The following COG7 variants were observed in gnomAD, a reference collection of about 807,000 sequenced individuals.
COG7 encodes component of oligomeric golgi complex 7.
Under a neutral mutation model 91.5 loss-of-function variants are expected in COG7, and 49 were observed. The ratio of observed to expected loss-of-function variants is 0.54; its 90% CI spans 0.43 to 0.68. The LOEUF (loss-of-function observed/expected upper bound fraction) is 0.68, where lower values mean the gene tolerates loss of function less well. Among genes scored for constraint, COG7 ranks in the 30% least tolerant of loss-of-function variants. The probability of loss-of-function intolerance (pLI) is 0.00; values close to 1 mark genes in which losing one functional copy is unlikely to be tolerated. For missense variants in COG7, 895 were observed against 961.3 expected (o/e 0.93, Z 0.91); for synonymous variants, 365 against 388.7 (o/e 0.94, Z 0.72).
chr16:23,392,587 G>C, intron 15 of COG7, 64 bp from the exon 16 acceptor site: 1 of 1,596,500 alleles, frequency 6.3e-7, no homozygotes, highest in Admixed American at 1.7e-5. Flanking sequence ...ATGCACCAAA[G>C]TACCAGGAAG....
At chr16:23,395,844 G>A (rs1044594321) in intron 14 of COG7, among the ~76,000 whole-genome samples, 6 of 152,246 alleles carry the variant, frequency 3.9e-5, no homozygotes, top group African/African-American at 1.4e-4. Context: ...TTTGAGGTCA[G>A]ACAGACTTGG....
Position 23,442,639 on chromosome 16 carries a change from C to T in COG7, c.442G>A (p.Ala148Thr). 6.2e-7 allele frequency: 1 copy of T among 1,613,402 alleles called. No individual in the cohort carries two copies. Among genetic ancestry groups the T allele is most frequent in the Non-Finnish European group, 8.5e-7 (1 of 1,179,354 alleles). The change falls in exon 4 of 17, where the codon GCT becomes ACT. Residue 148 changes from alanine (A) to threonine (T), a missense_variant. Transcript: ENST00000307149. The part of the protein sequence containing the change: ...IEETFKTQDI[A>T]VISAKLTGMQ... The stretch of plus-strand genomic sequence containing the variant: ...CCTGTTAGCTTGGCAGAAATCACAG[C>T]TATGTCCTAGAAAAGACCAGAATAG...
rs74012178 is a variant in COG7, at chr16:23,445,117, G to C, written c.366C>G (p.Ala122=). The change falls in exon 3 of 17, where the codon GCC becomes GCG. Residue 122 remains alanine (A), a synonymous_variant. Transcript: ENST00000307149. The part of the protein sequence containing the change: ...DQVKSRMQLA[A]ESLQEADKWS... ...ACTTATCTGCTTCCTGAAGAGATTC[G>C]GCAGCAAGTTGCATTCTGGACTTCA... 50 of 1,614,020 alleles carry C rather than the reference G, an allele frequency of 3.1e-5. No individual in the cohort carries two copies. Among genetic ancestry groups the C allele is most frequent in the South Asian group, 2.0e-4 (18 of 91,078 alleles).
intron 1 of COG7, among the ~76,000 whole-genome samples, chr16:23,448,232 A>T (rs1444577663): frequency 6.6e-6 from 1 of 152,212 alleles, no homozygotes; most frequent in African/African-American, 2.4e-5. Context: ...AAGGCTGGCC[A>T]GAAAGGTCTT....
rs1596905308 is a variant in COG7 at position 23,393,289 on chromosome 16, T to C, written c.1946A>G (p.Asp649Gly). 6.2e-7 allele frequency: 1 copy of C among 1,613,994 alleles called. No individual in the cohort carries two copies. Among genetic ancestry groups the C allele is most frequent in the East Asian group, 2.2e-5 (1 of 44,874 alleles). Residue 649 changes from aspartate to glycine, a missense_variant, in exon 15 of 17, where the codon GAC (aspartate) becomes GGC (glycine). Transcript: ENST00000307149. ...LNLEPFVTQE[D>G]SALELALHAG... ...GTGCAATGCCAACTCTAAGGCAGAG[T>C]CCTCCTGAGTCACAAATGGCTCAAG...
At chr16:23,389,300 T>A (rs1963149447) in intron 16 of COG7, among the ~76,000 whole-genome samples, 1 of 152,004 alleles carries the variant, frequency 6.6e-6, no homozygotes, top group South Asian at 2.1e-4. Context: ...GTCTAGGAAC[T>A]CTAATTTAAT....
chr16:23,453,176 T>TG lies in COG7; in HGVS notation c.-183dup. On this transcript the variant is annotated 5_prime_UTR_variant, in exon 1 of 17. Coordinates refer to ENST00000307149, the MANE Select transcript of COG7 (RefSeq NM_153603.4). ...CCGCTCAGCGCACTCAGTTTGCGGC[T>TG]GGGAATGACCCTCGCCGCCCGCCGT... 1 of 1,368,680 alleles carries TG rather than the reference T, an allele frequency of 7.3e-7. No individual in the cohort carries two copies. 84.8% of individuals were successfully genotyped at this position (1,368,680 alleles called of 1,614,324 possible).
intron 11 of COG7, among the ~76,000 whole-genome samples, chr16:23,408,065 G>C (rs1156787979): frequency 7.5e-6 from 1 of 132,858 alleles, no homozygotes; most frequent in Admixed American, 8.4e-5. Flanking sequence ...GTGGCACAGT[G>C]GGAAGGGAGG....
In COG7 at chr16:23,418,733, G is replaced by T; in HGVS notation, c.1104C>A (p.Ser368Arg). ...YQLKYGDMEESNLLIQMSAVP... is the reference protein window; with the variant it reads ...YQLKYGDMEERNLLIQMSAVP... ...CAGCACTCATCTGGATGAGGAGGTT[G>T]CTCTCTTCCATGTCGCCATACTTCA... Residue 368 changes from serine to arginine, a missense_variant, in exon 8 of 17, where the codon AGC becomes AGA. By Grantham distance (110) the Ser-to-Arg change is moderately radical (BLOSUM62 -1). Coordinates refer to ENST00000307149, the MANE Select transcript of COG7 (RefSeq NM_153603.4). 1 of 1,613,526 alleles carries T rather than the reference G, an allele frequency of 6.2e-7. No individual in the cohort carries two copies. Among genetic ancestry groups the T allele is most frequent in the South Asian group, 1.1e-5 (1 of 91,074 alleles).
intron 4 of COG7, among the ~76,000 whole-genome samples, chr16:23,440,583 G>GAGC (rs1323426549): frequency 6.6e-6 from 1 of 151,000 alleles, no homozygotes; most frequent in Admixed American, 6.6e-5. Context: ...CCAACCTCCT[G>GAGC]AGCAGCTGAG....
chr16:23,405,994 C>T (rs771764246), intron 12 of COG7, 82 bp downstream of exon 12: 17 of 1,317,954 alleles, frequency 1.3e-5, no homozygotes, highest in South Asian at 2.4e-5. Context: ...ACACAGGGCC[C>T]GCCTGTAACC....
chr16:23,436,138 C>T (rs1964010506), intron 4 of COG7, among the ~76,000 whole-genome samples: 1 of 152,144 alleles, frequency 6.6e-6, no homozygotes, highest in African/African-American at 2.4e-5. Context: ...GGGAGTATCA[C>T]TTGAGCCTGG....
In COG7 at chr16:23,424,258, T is replaced by C. The variant is rs565668812; in HGVS notation, c.1009+491A>G. On this transcript the variant is annotated intron_variant, in intron 7 of 16. Transcript: ENST00000307149. ...GTTGTGGTGAGCCAAGATCGTACCATTGCACTCCAGCCTGGGCAACAAGAG... is the reference window on the plus strand; with the variant it reads ...GTTGTGGTGAGCCAAGATCGTACCACTGCACTCCAGCCTGGGCAACAAGAG... Among the ~76,000 whole-genome samples, 4 of 147,286 alleles carry C rather than the reference T, an allele frequency of 2.7e-5. No homozygotes were observed. The South Asian group carries it at 6.4e-4, about 24-fold the overall frequency.
chr16:23,412,130 C>A (rs1362295195), intron 10 of COG7, among the ~76,000 whole-genome samples: 1 of 152,158 alleles, frequency 6.6e-6, no homozygotes, highest in Admixed American at 6.5e-5. Context: ...ATCCACCTAC[C>A]TCGACCTCCC....
At chr16:23,416,582 C>T in intron 9 of COG7, 1 of 305,984 alleles carries the variant, frequency 3.3e-6, no homozygotes, top group East Asian at 9.0e-5. Flanking sequence ...ATCCACCTGT[C>T]TTGGCCTCCC....
chr16:23,422,138 T>C (rs1375783790), intron 7 of COG7, among the ~76,000 whole-genome samples: 2 of 151,956 alleles, frequency 1.3e-5, no homozygotes, highest in Non-Finnish European at 2.9e-5. Flanking sequence ...AGGAAGACCC[T>C]GTCTCTACAA....
chr16:23,418,770 T>A lies in COG7; in HGVS notation c.1067A>T (p.Lys356Ile). ...ELVDAVYDPYKPYQLKYGDME... is the reference protein window; with the variant it reads ...ELVDAVYDPYIPYQLKYGDME... ...GTCGCCATACTTCAGCTGGTAGGGT[T>A]TGTATGGATCATACACAGCATCCAC... is the stretch of plus-strand genomic sequence containing the variant. The change falls in exon 8 of 17, where the codon AAA becomes ATA. Residue 356 changes from lysine to isoleucine, a missense_variant. Coordinates refer to ENST00000307149, the MANE Select transcript of COG7 (RefSeq NM_153603.4). 6.2e-7 allele frequency: 1 copy of A among 1,612,810 alleles called. No homozygotes were observed. The highest frequency in any genetic ancestry group is 1.1e-5 in the South Asian group (1 of 91,060).
rs554964599 is a variant in COG7 at position 23,433,336 on chromosome 16, C to A, written c.810+209G>T. On this transcript the variant is annotated intron_variant, in intron 6 of 16. Transcript: ENST00000307149. ...GAACTCCTAGGCTCAAACGATCCGC[C>A]CACTTCGACCTTCCAAAGTGTGGTG... is the stretch of plus-strand genomic sequence containing the variant. 3.3e-5 allele frequency among the ~76,000 whole-genome samples: 5 copies of A among 152,220 alleles called. No homozygotes were observed. The East Asian group carries it at 9.6e-4, about 29-fold the overall frequency.
intron 7 of COG7, among the ~76,000 whole-genome samples, chr16:23,422,385 CATTAT>C (rs765570446): frequency 1.3e-5 from 2 of 151,016 alleles, no homozygotes; most frequent in African/African-American, 2.4e-5. Flanking sequence ...AGAAAATGCC[CATTAT>C]ATTATTTTGA....
Sources: allele counts gnomAD v4.1 joint callset (sites outside exome capture counted in the v4.1 genomes callset), GRCh38; gene constraint gnomAD v4.1.1; transcripts MANE v1.5; gene names NCBI Gene and HGNC (gene_info 2026-07-23, HGNC 2026-07-21).